The following PAK5 variants were observed in gnomAD, a reference collection of about 807,000 sequenced individuals.
PAK5 encodes the protein p21 (RAC1) activated kinase 5.
PAK5 carries 16 observed loss-of-function variants against 65.9 expected under a neutral mutation model. The ratio of observed to expected loss-of-function variants is 0.24; its 90% confidence interval spans 0.16 to 0.37. The LOEUF is 0.37. Ranked by LOEUF, PAK5 falls within the 10% of genes least tolerant of loss-of-function variation. The pLI is 1.00. For synonymous variants in PAK5, 371 were observed against 354.9 expected (o/e 1.05, Z -0.51); for missense variants, 785 against 903.9 (o/e 0.87, Z 1.69).
intron 1 of PAK5, among the ~76,000 whole-genome samples, chr20:9,836,163 G>T (rs1979131366): frequency 8.8e-6 from 1 of 113,518 alleles, no homozygotes; most frequent in African/African-American, 4.2e-5. Context: ...CTGAATCCAT[G>T]CTACTCTATC....
rs112516607 is a variant in PAK5 at position 9,653,380 on chromosome 20, C to G, written c.-11-9041G>C. ...CCCAAATATGGAGACAGAGCCCAAA[C>G]CTCTCTCTTAATCTCTGTGTCTATG... On this transcript the variant is annotated intron_variant, in intron 2 of 9. Transcript: ENST00000353224. Among the ~76,000 whole-genome samples, 108 of 152,286 alleles carry G rather than the reference C, an allele frequency of 7.1e-4. 2 individuals carry two copies. The highest frequency in any genetic ancestry group is 3.4e-3 in the Middle Eastern group (1 of 294).
At chr20:9,767,477 A>G (rs2048781786) in intron 1 of PAK5, among the ~76,000 whole-genome samples, 1 of 152,156 alleles carries the variant, frequency 6.6e-6, no homozygotes, top group Non-Finnish European at 1.5e-5. Context: ...TGTGTCTGAA[A>G]TTCTATTATT....
chr20:9,553,143 T>G (rs1373018125), intron 7 of PAK5, among the ~76,000 whole-genome samples: 5 of 152,198 alleles, frequency 3.3e-5, no homozygotes, highest in African/African-American at 1.2e-4. Flanking sequence ...GTAAATTGAT[T>G]AGGTCTAATT....
At chr20:9,659,449 C>T (rs886720138) in intron 2 of PAK5, among the ~76,000 whole-genome samples, 1 of 152,112 alleles carries the variant, frequency 6.6e-6, no homozygotes, top group East Asian at 1.9e-4. Flanking sequence ...CAATGGTGTT[C>T]GACTTATTTC....
At position 9,745,136 on chromosome 20, in the gene PAK5, A is replaced by G. The variant is rs916944229; in HGVS notation, c.-161-33701T>C. ...ACAAAGCTAACTATAAGTAATATTAATTACCTGACATTGGGGCTCATTCAT... is the reference window on the plus strand; with the variant it reads ...ACAAAGCTAACTATAAGTAATATTAGTTACCTGACATTGGGGCTCATTCAT... On this transcript the variant is annotated intron_variant, in intron 1 of 9. Coordinates refer to ENST00000353224, the MANE Select transcript of PAK5 (RefSeq NM_177990.4). Among the ~76,000 whole-genome samples the G allele has an allele frequency of 9.2e-5, 14 of 152,268 alleles. No homozygotes were observed. In the South Asian group the frequency reaches 1.7e-3, roughly 18 times the overall value.
chr20:9,572,175 T>G (rs574223705), intron 4 of PAK5, among the ~76,000 whole-genome samples: 1 of 151,930 alleles, frequency 6.6e-6, no homozygotes, highest in Non-Finnish European at 1.5e-5. Flanking sequence ...ATGTACATCA[T>G]TCATCATTTT....
intron 1 of PAK5, among the ~76,000 whole-genome samples, chr20:9,821,233 T>C (rs2049416993): frequency 6.6e-6 from 1 of 151,964 alleles, no homozygotes; most frequent in Non-Finnish European, 1.5e-5. Flanking sequence ...ATACAAAATT[T>C]AGCTGGGCAT....
At chr20:9,700,820 T>A (rs912438176) in intron 2 of PAK5, among the ~76,000 whole-genome samples, 1 of 152,202 alleles carries the variant, frequency 6.6e-6, no homozygotes, top group African/African-American at 2.4e-5. Flanking sequence ...GCAGGCTAGA[T>A]TCAGCACATA....
intron 3 of PAK5, among the ~76,000 whole-genome samples, chr20:9,631,510 A>C (rs977368100): frequency 1.3e-5 from 2 of 152,184 alleles, no homozygotes; most frequent in Non-Finnish European, 2.9e-5. Context: ...CAGAATTCTG[A>C]CTAAATAAGC....
intron 9 of PAK5, 124 bp from the exon 10 acceptor site, chr20:9,539,741 A>G (rs2045230194): frequency 1.3e-6 from 1 of 747,106 alleles, no homozygotes; most frequent in Non-Finnish European, 2.2e-6. Flanking sequence ...AAGGAGAAAG[A>G]TGTTGTGAAA....
rs142592194 is a variant in PAK5 at position 9,708,344 on chromosome 20, C to T, written c.-12+2942G>A. Among the ~76,000 whole-genome samples, 163 of 152,082 alleles carry T rather than the reference C, an allele frequency of 1.1e-3. 1 individual carries two copies. The highest frequency in any genetic ancestry group is 3.7e-3 in the African/African-American group (155 of 41,476). On this transcript the variant is annotated intron_variant, in intron 2 of 9. Coordinates refer to ENST00000353224, the MANE Select transcript of PAK5 (RefSeq NM_177990.4). ...TGTGTGGTCATCTCTAAATTAAAGA[C>T]CGGAATAACATACATTCTGCAAGAT... is the stretch of plus-strand genomic sequence containing the variant.
At chr20:9,771,848 C>T (rs2048837487) in intron 1 of PAK5, among the ~76,000 whole-genome samples, 1 of 151,988 alleles carries the variant, frequency 6.6e-6, no homozygotes, top group Non-Finnish European at 1.5e-5. Flanking sequence ...GACCAGCCTG[C>T]CCAACATGGC....
intron 1 of PAK5, among the ~76,000 whole-genome samples, chr20:9,806,251 A>C (rs2049232005): frequency 6.6e-6 from 1 of 152,134 alleles, no homozygotes; most frequent in Non-Finnish European, 1.5e-5. Flanking sequence ...TGCCTCCCAA[A>C]GTGCTGGGAT....
At chr20:9,795,453 G>A (rs1269301860) in intron 1 of PAK5, among the ~76,000 whole-genome samples, 1 of 152,050 alleles carries the variant, frequency 6.6e-6, no homozygotes, top group Non-Finnish European at 1.5e-5. Context: ...ATGAGAAGGT[G>A]CAATGAAATC....
At chr20:9,675,654 T>C (rs1243060899) in intron 2 of PAK5, among the ~76,000 whole-genome samples, 3 of 152,198 alleles carry the variant, frequency 2.0e-5, no homozygotes, top group Non-Finnish European at 2.9e-5. Flanking sequence ...CAATTAATAA[T>C]TAATTGTTCC....
chr20:9,568,666 C>T (rs1204503344), intron 4 of PAK5, among the ~76,000 whole-genome samples: 1 of 152,140 alleles, frequency 6.6e-6, no homozygotes, highest in Non-Finnish European at 1.5e-5. Flanking sequence ...CATGAGGACA[C>T]TCAAGAATCC....
intron 2 of PAK5, among the ~76,000 whole-genome samples, chr20:9,649,381 C>G (rs568984066): frequency 6.6e-6 from 1 of 152,286 alleles, no homozygotes; most frequent in South Asian, 2.1e-4. Context: ...TCACAGCAAA[C>G]ACTGCTTTGA....
At chr20:9,677,179 A>G (rs913546252) in intron 2 of PAK5, among the ~76,000 whole-genome samples, 2 of 152,122 alleles carry the variant, frequency 1.3e-5, no homozygotes, top group Non-Finnish European at 2.9e-5. Context: ...CTTTCACTTC[A>G]TAATGTATTC....
At chr20:9,581,764 T>C (rs747843283) in intron 3 of PAK5, among the ~76,000 whole-genome samples, 1 of 152,160 alleles carries the variant, frequency 6.6e-6, no homozygotes, top group African/African-American at 2.4e-5. Context: ...ACAAAGCCCG[T>C]CAGCCGTGCC....
Sources: gnomAD v4.1 joint callset for allele counts (sites outside exome capture counted in the v4.1 genomes callset) on GRCh38, gnomAD v4.1.1 for gene constraint, MANE v1.5 for transcripts, NCBI Gene and HGNC (gene_info 2026-07-23, HGNC 2026-07-21) for gene names.